The following GRIK3 variants were observed in gnomAD, a reference collection of about 807,000 sequenced individuals.
GRIK3 encodes glutamate ionotropic receptor kainate type subunit 3, also known as glutamate receptor ionotropic, kainate 3.
A neutral mutation model predicts 102.5 loss-of-function variants in GRIK3; 29 were observed. The observed-to-expected ratio is 0.28, with a 90% CI of 0.21 to 0.39. The LOEUF is 0.39. GRIK3 is among the 10% of genes least tolerant of loss of function. GRIK3 has a pLI of 1.00. For missense variants in GRIK3, 908 were observed against 1,252.4 expected, an observed-to-expected ratio of 0.73 and a Z score of 4.15; for synonymous variants, 511 against 504.9, an observed-to-expected ratio of 1.01 and a Z score of -0.16.
intron 1 of GRIK3, among the ~76,000 whole-genome samples, chr1:36,928,724 C>T (rs1641556372): frequency 6.6e-6 from 1 of 152,188 alleles, no homozygotes; most frequent in African/African-American, 2.4e-5. Context: ...AAAAAAAAAT[C>T]CCCCCAAACT....
At chr1:37,033,385 G>C (rs1642849491) in intron 1 of GRIK3, among the ~76,000 whole-genome samples, 1 of 152,174 alleles carries the variant, frequency 6.6e-6, no homozygotes, top group Admixed American at 6.5e-5. Context: ...TTGGCCCCGA[G>C]GGACCAGCTG....
At position 36,880,832 on chromosome 1, in the gene GRIK3, T is replaced by A; in HGVS notation, c.352A>T (p.Thr118Ser). ...AIFGPSQGSC[T>S]NAVQSICNAL... ...TTGCAGATGGACTGGACGGCATTGG[T>A]GCAGGAGCCCTGTGATGGGCCGAAG... Residue 118 changes from threonine (T) to serine (S), a missense_variant, in exon 3 of 16, where the codon ACC becomes TCC. Physicochemically the swap from Thr to Ser is moderately conservative, Grantham distance 58. Transcript: ENST00000373091. The surrounding 1 kb of genome is among the most constrained non-coding windows in gnomAD (Gnocchi z 5.4). 6.2e-7 allele frequency: 1 copy of A among 1,614,060 alleles called. No homozygotes were observed. The highest frequency in any genetic ancestry group is 8.5e-7 in the Non-Finnish European group (1 of 1,179,968).
At chr1:36,831,280 A>G (rs1306133730) in intron 10 of GRIK3, among the ~76,000 whole-genome samples, 1 of 152,168 alleles carries the variant, frequency 6.6e-6, no homozygotes. Flanking sequence ...TTCCCGGCAT[A>G]TACTTCACGT....
At chr1:36,970,737 T>C (rs566416506) in intron 1 of GRIK3, among the ~76,000 whole-genome samples, 43 of 152,354 alleles carry the variant, frequency 2.8e-4, no homozygotes, top group Non-Finnish European at 1.6e-4. Context: ...TCTTCATTGC[T>C]GGTCATGGGT....
At chr1:36,884,371 C>T (rs199539778) in intron 2 of GRIK3, among the ~76,000 whole-genome samples, 1 of 152,182 alleles carries the variant, frequency 6.6e-6, no homozygotes, top group East Asian at 1.9e-4. Context: ...TTCCCTCTCC[C>T]CAAGGAGGCC....
At chr1:37,004,296 A>G (rs1275119680) in intron 1 of GRIK3, among the ~76,000 whole-genome samples, 1 of 152,212 alleles carries the variant, frequency 6.6e-6, no homozygotes, top group African/African-American at 2.4e-5. Context: ...ATACCAGCCT[A>G]TCTCACAGGA....
chr1:36,916,511 A>G (rs1288869642), intron 1 of GRIK3, among the ~76,000 whole-genome samples: 2 of 151,990 alleles, frequency 1.3e-5, no homozygotes, highest in African/African-American at 4.8e-5. Context: ...AGGCATGGAG[A>G]CCTAGGAGAA....
At chr1:36,809,414 C>T (rs1642537677) in intron 13 of GRIK3, among the ~76,000 whole-genome samples, 1 of 152,158 alleles carries the variant, frequency 6.6e-6, no homozygotes, top group African/African-American at 2.4e-5. Flanking sequence ...TATCCATCCC[C>T]CAATCATCCA....
At chr1:36,985,439 G>T (rs1323862640) in intron 1 of GRIK3, among the ~76,000 whole-genome samples, 1 of 151,538 alleles carries the variant, frequency 6.6e-6, no homozygotes, top group Non-Finnish European at 1.5e-5. Flanking sequence ...GGGGACATGG[G>T]CCTCACAGCA....
At position 36,872,124 on chromosome 1, in the gene GRIK3, G is replaced by T; in HGVS notation, c.732+64C>A. On this transcript the variant is annotated intron_variant, in intron 4 of 15. Transcript: ENST00000373091. The surrounding 1 kb of genome is among the most constrained non-coding windows in gnomAD (Gnocchi z 5.9). The stretch of plus-strand genomic sequence containing the variant: ...GCAGCATCACACCCACATTTGGGAA[G>T]GGGACGTGGGAGAAGTGGCCAGCAG... 1 of 1,409,510 alleles carries T rather than the reference G, an allele frequency of 7.1e-7. No homozygotes were observed. The highest frequency in any genetic ancestry group is 9.6e-7 in the Non-Finnish European group (1 of 1,040,160). The allele number at this position is 1,409,510 out of a possible 1,614,324, so 87.3% of individuals were successfully genotyped here. A position where few individuals can be genotyped will look rare whatever the true frequency, so the allele number is the denominator to read the frequency against.
intron 1 of GRIK3, among the ~76,000 whole-genome samples, chr1:36,992,729 T>C (rs1457816523): frequency 5.9e-5 from 9 of 152,226 alleles, no homozygotes; most frequent in African/African-American, 2.2e-4. Context: ...CTCACATTTA[T>C]GGAGTGCTGA....
In GRIK3 at chr1:36,859,078, C is replaced by T. The variant is rs199707359; in HGVS notation, c.1104+30G>A. On this transcript the variant is annotated intron_variant, in intron 7 of 15. Transcript: ENST00000373091. ...TACAGGGCCCACAGTCCCGGGGAGA[C>T]AACACTGGTGGGGGCTGTGGGGCAC... is the stretch of plus-strand genomic sequence containing the variant. 8.9e-6 allele frequency: 14 copies of T among 1,566,596 alleles called. No individual in the cohort carries two copies. The Admixed American group carries it at 2.1e-4, about 23-fold the overall frequency.
rs76433680 is a variant in GRIK3, at chr1:36,939,625, G to A, written c.116-48529C>T. Among the ~76,000 whole-genome samples, 185 of 152,356 alleles carry A rather than the reference G, an allele frequency of 1.2e-3. 3 individuals are homozygous for A. The South Asian group carries it at 0.029, about 24-fold the overall frequency. On this transcript the variant is annotated intron_variant, in intron 1 of 15. Transcript: ENST00000373091. Reference sequence around the variant, plus strand: ...AGGATAATGCTTTTTGATTTAACTGGTAGAAAACTACAAAGAGTATTTAAT... The same window carrying A: ...AGGATAATGCTTTTTGATTTAACTGATAGAAAACTACAAAGAGTATTTAAT...
rs1320609258 is a variant in GRIK3 at position 36,841,889 on chromosome 1, A to G, written c.1377T>C (p.Asn459=). The G allele has an allele frequency of 1.9e-6, 3 of 1,614,094 alleles. No individual in the cohort carries two copies. The highest frequency in any genetic ancestry group is 2.5e-6 in the Non-Finnish European group (3 of 1,180,042). ...CGATGCAGTAGCCCTCGAACCGGTC[A>G]TTCCCGTATAGCGTCCTGTCTGATT... The part of the protein sequence containing the change: ...FRKSDRTLYG[N]DRFEGYCIDL... Residue 459 remains asparagine, a synonymous_variant, in exon 10 of 16, where the codon AAT becomes AAC. Transcript: ENST00000373091.
At chr1:36,879,815 G>T (rs1001952838) in intron 3 of GRIK3, among the ~76,000 whole-genome samples, 2 of 152,214 alleles carry the variant, frequency 1.3e-5, no homozygotes, top group Admixed American at 6.5e-5. Flanking sequence ...GCAGCTCATA[G>T]CCACGGGCCC....
intron 1 of GRIK3, among the ~76,000 whole-genome samples, chr1:36,909,829 G>T (rs1036165961): frequency 6.6e-6 from 1 of 152,164 alleles, no homozygotes; most frequent in South Asian, 2.1e-4. Context: ...TTTCTACTAT[G>T]ATATGTTGTT....
intron 10 of GRIK3, among the ~76,000 whole-genome samples, chr1:36,827,768 T>C (rs1260469059): frequency 2.0e-5 from 3 of 152,120 alleles, no homozygotes; most frequent in Non-Finnish European, 2.9e-5. Context: ...TCTGGACAGC[T>C]CTGCAGGTGC....
chr1:36,960,649 C>T (rs1641996486), intron 1 of GRIK3, among the ~76,000 whole-genome samples: 1 of 152,310 alleles, frequency 6.6e-6, no homozygotes, highest in East Asian at 1.9e-4. Flanking sequence ...AGAGCAGAGC[C>T]CTGTATCCAG....
intron 3 of GRIK3, among the ~76,000 whole-genome samples, chr1:36,879,320 C>T (rs1640940989): frequency 6.6e-6 from 1 of 151,940 alleles, no homozygotes; most frequent in Non-Finnish European, 1.5e-5. Flanking sequence ...GTAGCCAGAA[C>T]TTGGCTCTAC....
Sources: gnomAD v4.1 joint callset for allele counts (sites outside exome capture counted in the v4.1 genomes callset) on GRCh38, gnomAD v4.1.1 for gene constraint, Gnocchi (gnomAD v3.1) non-coding constraint, MANE v1.5 for transcripts, NCBI Gene and HGNC (gene_info 2026-07-23, HGNC 2026-07-21) for gene names.